Variants in GBF1 observed in about 807,000 individuals in gnomAD.
GBF1 encodes golgi brefeldin A resistant guanine nucleotide exchange factor 1, also known as Golgi-specific brefeldin A-resistance guanine nucleotide exchange factor 1.
A neutral mutation model predicts 210.5 loss-of-function variants in GBF1; 114 were observed. The ratio of observed to expected loss-of-function variants is 0.54; its 90% CI spans 0.47 to 0.63. GBF1 has a LOEUF of 0.63. Among genes scored for constraint, GBF1 ranks in the 30% least tolerant of loss-of-function variants. The pLI, the probability that GBF1 is intolerant of heterozygous loss-of-function variation, is 0.00. For missense variants in GBF1, 1,851 were observed against 2,357.7 expected, an observed-to-expected ratio of 0.79 and a Z score of 4.45; for synonymous variants, 850 against 889.2, an observed-to-expected ratio of 0.96 and a Z score of 0.78.
rs148651817 is a variant in GBF1, at chr10:102,291,548, T to C, written c.163+31432T>C. Among the ~76,000 whole-genome samples the C allele has an allele frequency of 1.8e-3, 274 of 152,342 alleles. 1 individual carries two copies. The highest frequency in any genetic ancestry group is 5.9e-3 in the African/African-American group (246 of 41,584). On this transcript the variant is annotated intron_variant, in intron 3 of 39. Coordinates refer to ENST00000369983, the MANE Select transcript of GBF1 (RefSeq NM_001377137.1). The stretch of plus-strand genomic sequence containing the variant: ...TCAGGACTTTTAGAGGAAATGTTAC[T>C]GTTTCCAGCTCTCAGAAAGGTGGAA...
At chr10:102,316,044 G>A (rs376430026) in intron 3 of GBF1, among the ~76,000 whole-genome samples, 20 of 149,660 alleles carry the variant, frequency 1.3e-4, no homozygotes, top group Middle Eastern at 3.3e-3. Context: ...GATGAGGACA[G>A]TAGTCTCTGT....
At chr10:102,230,894 C>T in the GBF1 span, 5 of 1,611,272 alleles carry the variant, frequency 3.1e-6, no homozygotes, top group Non-Finnish European at 4.2e-6. Context: ...CCCACGTTGA[C>T]CGAGTTGAAG....
At chr10:102,297,057 G>GC (rs1554955941) in intron 3 of GBF1, among the ~76,000 whole-genome samples, 9 of 149,776 alleles carry the variant, frequency 6.0e-5, no homozygotes, top group Admixed American at 1.3e-4. Context: ...AAAAAAAAAG[G>GC]AAAAAAAAGG....
chr10:102,270,557 C>T (rs747668938), intron 3 of GBF1, among the ~76,000 whole-genome samples: 1 of 152,148 alleles, frequency 6.6e-6, no homozygotes, highest in Non-Finnish European at 1.5e-5. Context: ...AACATTTAGG[C>T]ATATTTGCTT....
intron 18 of GBF1, among the ~76,000 whole-genome samples, chr10:102,365,917 T>G (rs1203974509): frequency 0.011 from 1,619 of 151,520 alleles, 23 homozygotes; most frequent in African/African-American, 0.037. Context: ...ATCATGCCAC[T>G]GTGATAGAGC....
Position 102,382,084 on chromosome 10 carries a change from C to A in GBF1, c.5331C>A (p.Ala1777=). The change falls in exon 40 of 40, where the codon GCC becomes GCA. Residue 1777 remains alanine, a synonymous_variant. Coordinates refer to ENST00000369983, the MANE Select transcript of GBF1 (RefSeq NM_001377137.1). The part of the protein sequence containing the change: ...CDFEKPESPR[A]ASSSSPGSPV... ...TTGAGAAGCCCGAGAGCCCCCGAGC[C>A]GCCAGCAGCAGCTCCCCAGGATCAC... The A allele has an allele frequency of 6.4e-7, 1 of 1,563,694 alleles. No homozygotes were observed. Among genetic ancestry groups the A allele is most frequent in the Non-Finnish European group, 8.7e-7 (1 of 1,154,860 alleles).
intron 8 of GBF1, among the ~76,000 whole-genome samples, chr10:102,357,515 CT>C (rs1450888840): frequency 6.6e-6 from 1 of 151,712 alleles, no homozygotes; most frequent in Non-Finnish European, 1.5e-5. Flanking sequence ...ATGTTTATGG[CT>C]TAGGCCCAGC....
At chr10:102,360,458 T>C (rs1480699820) in intron 12 of GBF1, 63 bp downstream of exon 12, 1 of 1,108,846 alleles carries the variant, frequency 9.0e-7, no homozygotes, top group Non-Finnish European at 1.4e-6. Flanking sequence ...CACAGGGAGG[T>C]CTGGCTGATT....
At chr10:102,303,652 C>T (rs1212623168) in intron 3 of GBF1, among the ~76,000 whole-genome samples, 2 of 152,266 alleles carry the variant, frequency 1.3e-5, no homozygotes, top group South Asian at 2.1e-4. Context: ...CAGCTCACAC[C>T]ACGCAGCTTC....
At chr10:102,295,262 T>C (rs149184449) in intron 3 of GBF1, among the ~76,000 whole-genome samples, 1 of 152,290 alleles carries the variant, frequency 6.6e-6, no homozygotes, top group East Asian at 1.9e-4. Flanking sequence ...GGCAGATAAC[T>C]TAAATGAAAA....
Position 102,344,214 on chromosome 10 carries a change from G to A in GBF1, c.295+32G>A, listed in dbSNP as rs2058381694. 3 of 1,610,190 alleles carry A rather than the reference G, an allele frequency of 1.9e-6. No individual in the cohort carries two copies. In the South Asian group the frequency reaches 3.3e-5, roughly 18 times the overall value. ...GCTCAGGCTTTGTTGCATGACCACA[G>A]CACTTCATTTCCCACCTTTCCTGGG... is the stretch of plus-strand genomic sequence containing the variant. On this transcript the variant is annotated intron_variant, in intron 4 of 39. Transcript: ENST00000369983.
chr10:102,363,531 G>A lies in GBF1; in HGVS notation c.2017+135G>A. ...GCCTCGCCTTCAGACTCAGAGAGAG[G>A]GAAGCAAACATATGGACCCTCAGTT... is the stretch of plus-strand genomic sequence containing the variant. On this transcript the variant is annotated intron_variant, in intron 16 of 39. Coordinates refer to ENST00000369983, the MANE Select transcript of GBF1 (RefSeq NM_001377137.1). This position sits in a 1 kb window ranked among gnomAD's most constrained non-coding sequence, Gnocchi z 4.2. 1 of 920,612 alleles carries A rather than the reference G, an allele frequency of 1.1e-6. No individual in the cohort carries two copies. The highest frequency in any genetic ancestry group is 2.2e-4 in the Middle Eastern group (1 of 4,452). 57.0% of individuals were successfully genotyped at this position (920,612 alleles called of 1,614,324 possible).
At position 102,367,218 on chromosome 10, in the gene GBF1, T is replaced by G; in HGVS notation, c.2559+8T>G. 6.2e-7 allele frequency: 1 copy of G among 1,613,618 alleles called. No homozygotes were observed. Among genetic ancestry groups the G allele is most frequent in the Non-Finnish European group, 8.5e-7 (1 of 1,179,722 alleles). ...GCACCCATGACCCTGGAGGTAAGCT[T>G]GGGTCCCAGTCAAGGCAAAGAAGAC... On this transcript the variant is annotated splice_region_variant and intron_variant, in intron 20 of 39. Coordinates refer to ENST00000369983, the MANE Select transcript of GBF1 (RefSeq NM_001377137.1).
chr10:102,242,238 C>T (rs2070554941), upstream of GBF1, among the ~76,000 whole-genome samples: 1 of 152,202 alleles, frequency 6.6e-6, no homozygotes. Context: ...AGTATTCCAA[C>T]GCTGCCACGA....
At chr10:102,339,105 A>G (rs1441500408) in intron 3 of GBF1, among the ~76,000 whole-genome samples, 1 of 152,072 alleles carries the variant, frequency 6.6e-6, no homozygotes, top group Non-Finnish European at 1.5e-5. Flanking sequence ...GCTCACGCCT[A>G]TAATCCCAGC....
intron 3 of GBF1, among the ~76,000 whole-genome samples, chr10:102,291,489 A>G (rs965145492): frequency 6.6e-6 from 1 of 152,170 alleles, no homozygotes; most frequent in African/African-American, 2.4e-5. Context: ...TGTCTTCCCC[A>G]GACTTTTTAC....
intron 8 of GBF1, among the ~76,000 whole-genome samples, chr10:102,354,223 C>T (rs980050124): frequency 2.0e-5 from 3 of 152,198 alleles, no homozygotes; most frequent in African/African-American, 7.2e-5. Flanking sequence ...AGAGGGTCTA[C>T]CTATGGAGAT....
intron 3 of GBF1, among the ~76,000 whole-genome samples, chr10:102,306,847 G>C (rs1272619040): frequency 2.0e-5 from 3 of 152,240 alleles, no homozygotes; most frequent in African/African-American, 7.2e-5. Context: ...AGCTGGTCTT[G>C]TTTCCTCATG....
chr10:102,372,812 CT>C (rs892595843), intron 29 of GBF1, among the ~76,000 whole-genome samples: 76 of 152,144 alleles, frequency 5.0e-4, no homozygotes, highest in African/African-American at 1.8e-3. Context: ...GCTATAAAAA[CT>C]TTAGAAACAG....
Sources: allele counts gnomAD v4.1 joint callset (sites outside exome capture counted in the v4.1 genomes callset), GRCh38; gene constraint gnomAD v4.1.1; non-coding constraint Gnocchi (gnomAD v3.1); transcripts MANE v1.5; gene names NCBI Gene and HGNC (gene_info 2026-07-23, HGNC 2026-07-21).